AGBL1: variants seen among roughly 807,000 people sequenced by gnomAD.
The protein encoded by AGBL1 is cytosolic carboxypeptidase 4.
AGBL1 carries 130 observed loss-of-function variants against 118.9 expected under a neutral mutation model. The observed-to-expected ratio is 1.09, with a 90% CI of 0.95 to 1.26. The LOEUF is 1.26. AGBL1 is among the 50% of genes most tolerant of loss of function. The probability of loss-of-function intolerance (pLI) is 0.00; values close to 1 mark genes in which losing one functional copy is unlikely to be tolerated. For synonymous variants in AGBL1, 555 were observed against 478.9 expected (o/e 1.16, Z -2.08); for missense variants, 1,584 against 1,298.1 (o/e 1.22, Z -3.38).
intron 17 of AGBL1, among the ~76,000 whole-genome samples, chr15:86,312,959 CAAAAG>C (rs1297216589): frequency 4.6e-5 from 7 of 152,146 alleles, no homozygotes; most frequent in African/African-American, 1.4e-4. Context: ...ACCTGCATGT[CAAAAG>C]AAAAGGATTT....
intron 22 of AGBL1, among the ~76,000 whole-genome samples, chr15:86,773,705 T>C (rs1209306116): frequency 6.6e-6 from 1 of 151,874 alleles, no homozygotes. Flanking sequence ...GTGGAATAAA[T>C]GTGCAGAGAA....
At chr15:86,566,399 T>C (rs2083914966) in intron 21 of AGBL1, among the ~76,000 whole-genome samples, 2 of 152,216 alleles carry the variant, frequency 1.3e-5, no homozygotes, top group African/African-American at 4.8e-5. Flanking sequence ...CATTTTATTC[T>C]TGCTGGTCTT....
In AGBL1 at chr15:87,007,249, T is replaced by TAA. The variant is rs568877076; in HGVS notation, c.3323+19162_3323+19163dup. On this transcript the variant is annotated intron_variant, in intron 24 of 24. Coordinates refer to the AGBL1 transcript ENST00000441037. The stretch of plus-strand genomic sequence containing the variant: ...TTCTTACGCTAGCTGTATATATATA[T>TAA]AACCATAATGCAGCTGAAATACTAC... 1.9e-3 allele frequency among the ~76,000 whole-genome samples: 284 copies of TAA among 152,254 alleles called. 2 individuals are homozygous for TAA. Among genetic ancestry groups the TAA allele is most frequent in the African/African-American group, 6.6e-3 (273 of 41,546 alleles).
chr15:86,950,644 A>G (rs1348662397), intron 23 of AGBL1, among the ~76,000 whole-genome samples: 1 of 151,864 alleles, frequency 6.6e-6, no homozygotes, highest in African/African-American at 2.4e-5. Flanking sequence ...TGGAATGGAA[A>G]GTCAGAGTGA....
chr15:87,008,970 G>T (rs2081531471), intron 24 of AGBL1, among the ~76,000 whole-genome samples: 1 of 152,168 alleles, frequency 6.6e-6, no homozygotes, highest in Non-Finnish European at 1.5e-5. Flanking sequence ...GAGCATAAAA[G>T]TTTGGAAAAT....
intron 13 of AGBL1, among the ~76,000 whole-genome samples, chr15:86,269,702 T>C (rs1194873673): frequency 6.6e-6 from 1 of 152,210 alleles, no homozygotes; most frequent in Non-Finnish European, 1.5e-5. Flanking sequence ...ATTGTGTAAT[T>C]GACTCTTGTA....
intron 24 of AGBL1, among the ~76,000 whole-genome samples, chr15:87,020,491 G>A (rs1214795756): frequency 6.6e-6 from 1 of 152,100 alleles, no homozygotes; most frequent in East Asian, 1.9e-4. Flanking sequence ...AGTATTGGAT[G>A]TTCTGGCCAG....
At chr15:86,766,929 G>T (rs1229805977) in intron 22 of AGBL1, among the ~76,000 whole-genome samples, 6 of 151,806 alleles carry the variant, frequency 4.0e-5, no homozygotes, top group Non-Finnish European at 1.5e-5. Context: ...AAATCTGGCT[G>T]GCTGGAATAG....
intron 23 of AGBL1, among the ~76,000 whole-genome samples, chr15:86,981,284 TAATG>T (rs1345423804): frequency 6.6e-6 from 1 of 152,244 alleles, no homozygotes; most frequent in Non-Finnish European, 1.5e-5. Context: ...TATATTTTAA[TAATG>T]TGCTTTCAGA....
At chr15:86,158,864 A>G in intron 4 of AGBL1, 69 bp from the exon 5 acceptor site, 1 of 1,389,502 alleles carries the variant, frequency 7.2e-7, no homozygotes, top group Non-Finnish European at 1.0e-6. Context: ...TAAAGGAGTC[A>G]ATCCAAGTTG....
intron 1 of AGBL1, among the ~76,000 whole-genome samples, chr15:86,132,494 T>A (rs1410807183): frequency 6.6e-6 from 1 of 152,220 alleles, no homozygotes; most frequent in African/African-American, 2.4e-5. Context: ...TTAGAAAAGC[T>A]GAAAACTGTT....
At chr15:86,662,835 C>A (rs1044378592) in intron 21 of AGBL1, among the ~76,000 whole-genome samples, 9 of 152,150 alleles carry the variant, frequency 5.9e-5, no homozygotes, top group Admixed American at 3.9e-4. Context: ...CTAGCCATTC[C>A]GCATGACCAG....
At chr15:86,754,684 C>A (rs554001828) in intron 22 of AGBL1, among the ~76,000 whole-genome samples, 1 of 152,182 alleles carries the variant, frequency 6.6e-6, no homozygotes, top group African/African-American at 2.4e-5. Flanking sequence ...ATCTTCCACT[C>A]CGGTGTTCAA....
intron 18 of AGBL1, among the ~76,000 whole-genome samples, chr15:86,465,420 A>G (rs998478716): frequency 5.4e-4 from 83 of 152,320 alleles, no homozygotes; most frequent in African/African-American, 1.9e-3. Context: ...CACCTTGAAA[A>G]GAACAGGATA....
At chr15:86,668,653 T>G (rs2085688392) in intron 21 of AGBL1, among the ~76,000 whole-genome samples, 1 of 152,144 alleles carries the variant, frequency 6.6e-6, no homozygotes, top group Admixed American at 6.6e-5. Flanking sequence ...CCAGAGGTTG[T>G]TGTAAGACTT....
chr15:86,296,595 TC>T (rs2079646970), intron 17 of AGBL1: 1 of 152,222 alleles, frequency 6.6e-6, no homozygotes, highest in African/African-American at 2.4e-5. Flanking sequence ...AATTATATTT[TC>T]TCACACCCCA....
chr15:86,945,764 G>A (rs2080812930), intron 23 of AGBL1, among the ~76,000 whole-genome samples: 1 of 152,208 alleles, frequency 6.6e-6, no homozygotes, highest in South Asian at 2.1e-4. Flanking sequence ...GTGTGTGCGT[G>A]TATGTATGTT....
At chr15:86,597,776 GA>G (rs1044352977) in intron 21 of AGBL1, among the ~76,000 whole-genome samples, 26 of 152,096 alleles carry the variant, frequency 1.7e-4, no homozygotes, top group African/African-American at 5.3e-4. Context: ...CTTTATAAGT[GA>G]AAAAAAGGGG....
intron 6 of AGBL1, among the ~76,000 whole-genome samples, chr15:86,240,069 C>T (rs901905636): frequency 6.6e-6 from 1 of 152,166 alleles, no homozygotes; most frequent in African/African-American, 2.4e-5. Flanking sequence ...GAGGGGATTT[C>T]ATTTGAATCC....
Sources: allele counts gnomAD v4.1 joint callset (sites outside exome capture counted in the v4.1 genomes callset), GRCh38; gene constraint gnomAD v4.1.1; transcripts MANE v1.5; gene names NCBI Gene and HGNC (gene_info 2026-07-23, HGNC 2026-07-21).